SERINC4: variants seen among roughly 807,000 people sequenced by gnomAD.
The protein encoded by SERINC4 is serine incorporator 4.
Under a neutral mutation model 52.0 loss-of-function variants are expected in SERINC4, and 52 were observed. The ratio of observed to expected loss-of-function variants is 1.00; its 90% CI spans 0.80 to 1.26. SERINC4 has a LOEUF of 1.26. SERINC4 is among the 50% of genes most tolerant of loss of function. The pLI is 0.00. For synonymous variants in SERINC4, 264 were observed against 247.7 expected, an observed-to-expected ratio of 1.07 and a Z score of -0.62; for missense variants, 723 against 632.8, an observed-to-expected ratio of 1.14 and a Z score of -1.53.
rs558614753 is a variant in SERINC4, at chr15:43,794,252, T to C, written c.*748A>G. 11 of 366,544 alleles carry C rather than the reference T, an allele frequency of 3.0e-5. No homozygotes were observed. The highest frequency in any genetic ancestry group is 1.3e-4 in the Admixed American group (3 of 23,186). The allele number at this position is 366,544 out of a possible 1,614,324, so 22.7% of individuals were successfully genotyped here. On this transcript the variant is annotated 3_prime_UTR_variant, in exon 12 of 12. Coordinates refer to ENST00000319327, the MANE Select transcript of SERINC4 (RefSeq NM_001258031.2). ...CAGTAGAGGAATCCTCTAAGAACCA[T>C]AGAGACTTCTTTTCTGTGATTTTTG... is the stretch of plus-strand genomic sequence containing the variant.
In SERINC4 at chr15:43,798,406, A is replaced by T. The variant is rs758278696; in HGVS notation, c.538+19T>A. 8.9e-6 allele frequency: 14 copies of T among 1,581,830 alleles called. No homozygotes were observed. The highest frequency in any genetic ancestry group is 1.2e-5 in the Non-Finnish European group (14 of 1,150,632). ...GAAAACTTAGCCTACTCCTGCCAAG[A>T]GTGTGGGAGGGAGAGTACCTGGGAA... On this transcript the variant is annotated intron_variant, in intron 4 of 11. Coordinates refer to ENST00000319327, the MANE Select transcript of SERINC4 (RefSeq NM_001258031.2).
At chr15:43,798,830 A>C in intron 3 of SERINC4, 129 bp downstream of exon 3, 1 of 931,316 alleles carries the variant, frequency 1.1e-6, no homozygotes, top group South Asian at 1.6e-5. Flanking sequence ...CAAGTACACG[A>C]GAAGCAGGGA....
rs1301781828 is a variant in SERINC4, at chr15:43,799,451, G to A, written c.138C>T (p.Cys46=). The part of the protein sequence containing the change: ...CCCGPAPCAS[C]CHSRWPSLTA... ...TGAGAGAGGGCCACCTAGAGTGGCAGCAGCTGGCACAAGGAGCAGGCCCAC... is the reference window on the plus strand; with the variant it reads ...TGAGAGAGGGCCACCTAGAGTGGCAACAGCTGGCACAAGGAGCAGGCCCAC... The change falls in exon 2 of 12, where the codon TGC becomes TGT. Residue 46 remains cysteine (C), a synonymous_variant. Transcript: ENST00000319327. The A allele has an allele frequency of 6.4e-7, 1 of 1,550,744 alleles. No homozygotes were observed. The highest frequency in any genetic ancestry group is 2.0e-5 in the Admixed American group (1 of 50,994).
intron 1 of SERINC4, 33 bp downstream of exon 1, chr15:43,799,852 G>T (rs1209381236): frequency 1.4e-6 from 2 of 1,462,104 alleles, no homozygotes; most frequent in Non-Finnish European, 1.9e-6. Flanking sequence ...TTCCTCCCCA[G>T]CTTCGGCCAC....
At position 43,799,892 on chromosome 15, in the gene SERINC4, A is replaced by T. The variant is rs939121203; in HGVS notation, c.95T>A (p.Phe32Tyr). Residue 32 changes from phenylalanine (F) to tyrosine (Y), a missense_variant, in exon 1 of 12, where the codon TTC (phenylalanine) becomes TAC (tyrosine). Coordinates refer to ENST00000319327, the MANE Select transcript of SERINC4 (RefSeq NM_001258031.2). ...CCCTTCGCACCCTCTCACCTGACAG[A>T]AGGGACTTTTCACTAGGACACTGCT... ...GGSSVLVKSPFCQVCCCGPAP... is the reference protein window; with the variant it reads ...GGSSVLVKSPYCQVCCCGPAP... The T allele has an allele frequency of 1.3e-6, 2 of 1,547,794 alleles. No homozygotes were observed. Among genetic ancestry groups the T allele is most frequent in the East Asian group, 2.4e-5 (1 of 40,916 alleles).
chr15:43,797,323 G>C lies in SERINC4; in HGVS notation c.666C>G (p.Phe222Leu). The C allele has an allele frequency of 6.5e-7, 1 of 1,548,948 alleles. No individual in the cohort carries two copies. The highest frequency in any genetic ancestry group is 1.2e-5 in the South Asian group (1 of 83,980). Residue 222 changes from phenylalanine (F) to leucine (L), a missense_variant, in exon 6 of 12, where the codon TTC becomes TTG. Physicochemically the swap from Phe to Leu is conservative, Grantham distance 22. Coordinates refer to ENST00000319327, the MANE Select transcript of SERINC4 (RefSeq NM_001258031.2). ...QTGAAQDCSW[F>L]LAVLLATLGF... ...CTAGGGTGGCCAGCAGGACAGCCAGGAACCAGCTACAGTCTTGAGCTGCAC... is the reference window on the plus strand; with the variant it reads ...CTAGGGTGGCCAGCAGGACAGCCAGCAACCAGCTACAGTCTTGAGCTGCAC...
chr15:43,797,817 A>C lies in SERINC4; in HGVS notation c.632+103T>G, dbSNP rs1171149990. 6 of 767,150 alleles carry C rather than the reference A, an allele frequency of 7.8e-6. No homozygotes were observed. In the East Asian group the frequency reaches 1.6e-4, roughly 20 times the overall value. 47.5% of individuals were successfully genotyped at this position (767,150 alleles called of 1,614,324 possible). A position where few individuals can be genotyped will look rare whatever the true frequency, so the allele number is the denominator to read the frequency against. ...GCTTTTTTGATACTGCTCAGTGGGA[A>C]GCTGTGGGACCAGTGCTCTGCCGTG... is the stretch of plus-strand genomic sequence containing the variant. On this transcript the variant is annotated intron_variant, in intron 5 of 11. Transcript: ENST00000319327.
intron 11 of SERINC4, 27 bp downstream of exon 11, chr15:43,795,361 G>C (rs753364925): frequency 6.2e-7 from 1 of 1,613,122 alleles, no homozygotes; most frequent in Admixed American, 1.7e-5. Flanking sequence ...CTCTTCAGGA[G>C]AGTATCTAAG....
intron 4 of SERINC4, 37 bp downstream of exon 4, chr15:43,798,386 CTT>C (rs781575382): frequency 4.7e-6 from 7 of 1,482,432 alleles, no homozygotes; most frequent in Middle Eastern, 1.7e-4. Flanking sequence ...TCTTAGAAAA[CTT>C]AGCCTACTCC....
Position 43,796,707 on chromosome 15 carries a change from G to A in SERINC4, c.976C>T (p.Pro326Ser), listed in dbSNP as rs746945291. The change falls in exon 8 of 12, where the codon CCT becomes TCT. Residue 326 changes from proline to serine, a missense_variant. Transcript: ENST00000319327. ...LQGQNHTLCL[P>S]GLSKMEPQTP... ...TGGGGTTCCATTTTACTCAGGCCAG[G>A]CAGGCACAGGGTGTGATTCTGTCCT... 9 of 1,614,118 alleles carry A rather than the reference G, an allele frequency of 5.6e-6. No homozygotes were observed. The highest frequency in any genetic ancestry group is 7.6e-6 in the Non-Finnish European group (9 of 1,179,986).
At position 43,799,053 on chromosome 15, in the gene SERINC4, C is replaced by T. The variant is rs2087267290; in HGVS notation, c.364G>A (p.Val122Ile). The change falls in exon 3 of 12, where the codon GTA becomes ATA. Residue 122 changes from valine (V) to isoleucine (I), a missense_variant. Coordinates refer to ENST00000319327, the MANE Select transcript of SERINC4 (RefSeq NM_001258031.2). ...VLSGSGAVYR[V>I]CAGTATFHLL... ...TGGAAGGTGGCGGTTCCTGCACATA[C>T]TCGGTACACAGCCCCAGAGCCACTG... The T allele has an allele frequency of 6.4e-7, 1 of 1,550,554 alleles. No individual in the cohort carries two copies. The highest frequency in any genetic ancestry group is 8.7e-7 in the Non-Finnish European group (1 of 1,147,004).
chr15:43,796,226 T>C lies in SERINC4; in HGVS notation c.1069A>G (p.Asn357Asp), dbSNP rs1260622370. 1.2e-6 allele frequency: 2 copies of C among 1,612,528 alleles called. No homozygotes were observed. Among genetic ancestry groups the C allele is most frequent in the Non-Finnish European group, 1.7e-6 (2 of 1,178,544 alleles). The change falls in exon 9 of 12, where the codon AAT becomes GAT. Residue 357 changes from asparagine (N) to aspartate (D), a missense_variant and splice_region_variant. By Grantham distance (23) the Asn-to-Asp change is conservative (BLOSUM62 1). Coordinates refer to ENST00000319327, the MANE Select transcript of SERINC4 (RefSeq NM_001258031.2). The stretch of plus-strand genomic sequence containing the variant: ...ACCTCAGCCAGGTAGGAGGCCTCAT[T>C]GCTGAGAAAGAATAGAGTTCTTAAG... ...IMYACVLFAC[N>D]EASYLAEVFG...
intron 4 of SERINC4, 70 bp downstream of exon 4, chr15:43,798,355 C>T: frequency 8.3e-7 from 1 of 1,209,084 alleles, no homozygotes; most frequent in Non-Finnish European, 1.2e-6. Flanking sequence ...GGCCATTACT[C>T]CTCTTCTTAC....
intron 9 of SERINC4, 38 bp from the exon 10 acceptor site, chr15:43,795,774 A>C: frequency 6.2e-7 from 1 of 1,603,582 alleles, no homozygotes; most frequent in Non-Finnish European, 8.5e-7. Context: ...TGGTCTTAAA[A>C]GATGTGAGGG....
At chr15:43,795,292 A>G in intron 11 of SERINC4, 79 bp from the exon 12 acceptor site, 3 of 1,583,764 alleles carry the variant, frequency 1.9e-6, no homozygotes, top group Middle Eastern at 1.7e-4. Flanking sequence ...ACCAAATATA[A>G]TGGCAGACCC....
intron 11 of SERINC4, 73 bp downstream of exon 11, chr15:43,795,315 A>T (rs2087182860): frequency 6.3e-7 from 1 of 1,596,650 alleles, no homozygotes; most frequent in South Asian, 1.1e-5. Flanking sequence ...GTGTGTCTGG[A>T]ATGGCCTTGA....
intron 3 of SERINC4, 166 bp downstream of exon 3, chr15:43,798,793 C>T (rs2087260787): frequency 1.4e-6 from 1 of 707,074 alleles, no homozygotes; most frequent in Non-Finnish European, 2.4e-6. Flanking sequence ...ATGCTAGAAG[C>T]ACAAAGTCTG....
chr15:43,797,181 T>C lies in SERINC4; in HGVS notation c.808A>G (p.Ile270Val). ...LSLHLCFCGL[I>V]SFLSIAPCIR... ...CAAGGAGCGATGGAGAGGAAGGAGATGAGGCCACAGAAGCAAAGGTGCAGA... is the reference window on the plus strand; with the variant it reads ...CAAGGAGCGATGGAGAGGAAGGAGACGAGGCCACAGAAGCAAAGGTGCAGA... Residue 270 changes from isoleucine (I) to valine (V), a missense_variant, in exon 6 of 12, where the codon ATC (isoleucine) becomes GTC (valine). Transcript: ENST00000319327. 6.4e-7 allele frequency: 1 copy of C among 1,551,076 alleles called. No individual in the cohort carries two copies.
In SERINC4 at chr15:43,799,293, G is replaced by T; in HGVS notation, c.279+17C>A. 2 of 1,546,670 alleles carry T rather than the reference G, an allele frequency of 1.3e-6. No individual in the cohort carries two copies. The highest frequency in any genetic ancestry group is 1.7e-6 in the Non-Finnish European group (2 of 1,143,496). On this transcript the variant is annotated intron_variant, in intron 2 of 11. Coordinates refer to ENST00000319327, the MANE Select transcript of SERINC4 (RefSeq NM_001258031.2). Reference sequence around the variant, plus strand: ...TTTATCTCTTCCCACCTGACAACCCGACCCCCTCTCACTTACCCTGTGTGT... The same window carrying T: ...TTTATCTCTTCCCACCTGACAACCCTACCCCCTCTCACTTACCCTGTGTGT...
Sources: allele counts gnomAD v4.1 joint callset, GRCh38; gene constraint gnomAD v4.1.1; transcripts MANE v1.5; gene names NCBI Gene and HGNC (gene_info 2026-07-23, HGNC 2026-07-21).